The following TERF1 variants were observed in gnomAD, a reference collection of about 807,000 sequenced individuals.
The protein encoded by TERF1 is telomeric repeat-binding factor 1.
TERF1 carries 20 observed loss-of-function variants against 55.1 expected under a neutral mutation model. The ratio of observed to expected loss-of-function variants is 0.36; its 90% CI spans 0.26 to 0.53. The LOEUF is 0.53. Among genes scored for constraint, TERF1 ranks in the 20% least tolerant of loss-of-function variants. The pLI, the probability that TERF1 is intolerant of heterozygous loss-of-function variation, is 0.91. For synonymous variants in TERF1, 168 were observed against 181.2 expected, an observed-to-expected ratio of 0.93 and a Z score of 0.59; for missense variants, 439 against 535.7, an observed-to-expected ratio of 0.82 and a Z score of 1.78.
At chr8:73,027,296 G>C (rs1013230301) in intron 6 of TERF1, among the ~76,000 whole-genome samples, 1 of 152,128 alleles carries the variant, frequency 6.6e-6, no homozygotes, top group East Asian at 1.9e-4. Context: ...ACCATTCTTG[G>C]GGTATGCTTA....
intron 8 of TERF1, among the ~76,000 whole-genome samples, chr8:73,034,563 C>CT (rs1649577175): frequency 6.6e-6 from 1 of 152,086 alleles, no homozygotes; most frequent in African/African-American, 2.4e-5. Context: ...CAGCCCTAAC[C>CT]TTTTTTTCAA....
rs1434775490 is a variant in TERF1 at position 73,038,814 on chromosome 8, T to C, written c.1040-302T>C. 2.4e-6 allele frequency: 2 copies of C among 822,550 alleles called. 1 individual carries two copies. Among genetic ancestry groups the C allele is most frequent in the Non-Finnish European group, 3.0e-6 (2 of 674,416 alleles). The allele number at this position is 822,550 out of a possible 1,614,324, so 51.0% of individuals were successfully genotyped here. ...CATTATCGTAAGAAAATTTCAACGA[T>C]CCTATGCAATAAATATTTTTCCTTT... On this transcript the variant is annotated intron_variant, in intron 8 of 9. Transcript: ENST00000276603.
intron 3 of TERF1, among the ~76,000 whole-genome samples, chr8:73,021,549 C>T (rs1021416583): frequency 6.6e-6 from 1 of 152,074 alleles, no homozygotes; most frequent in African/African-American, 2.4e-5. Flanking sequence ...TTACTATTTG[C>T]CAGGCACTGT....
intron 8 of TERF1, among the ~76,000 whole-genome samples, chr8:73,037,888 TATATAATATATATAAATATGATATA>T (rs1563472430): frequency 2.5e-5 from 3 of 121,166 alleles, no homozygotes; most frequent in African/African-American, 9.6e-5. Context: ...ATAAATATGA[TATATAATATATATAAATATGATATA>T]ATATATAATA....
Position 73,042,171 on chromosome 8 carries a change from T to C in TERF1, c.1143+2952T>C, listed in dbSNP as rs540048903. 2.0e-5 allele frequency among the ~76,000 whole-genome samples: 3 copies of C among 152,182 alleles called. No individual in the cohort carries two copies. The South Asian group carries it at 6.2e-4, about 31-fold the overall frequency. ...TTGGAAACCAGAAGTCTCTGTCTTA[T>C]ACATATAACTGATCTTTCCCTATAG... On this transcript the variant is annotated intron_variant, in intron 9 of 9. Coordinates refer to ENST00000276603, the MANE Select transcript of TERF1 (RefSeq NM_017489.3).
At chr8:73,035,167 G>A (rs956131524) in intron 8 of TERF1, among the ~76,000 whole-genome samples, 1 of 152,064 alleles carries the variant, frequency 6.6e-6, no homozygotes, top group African/African-American at 2.4e-5. Flanking sequence ...TTCAACTTTA[G>A]TTAATCAACT....
chr8:73,026,890 G>T, intron 5 of TERF1, 50 bp from the exon 6 acceptor site: 2 of 1,346,226 alleles, frequency 1.5e-6, no homozygotes, highest in South Asian at 1.2e-5. Flanking sequence ...TGTTTAAAAT[G>T]GCTTAATGCA....
intron 8 of TERF1, 70 bp from the exon 9 acceptor site, chr8:73,039,046 A>G: frequency 9.4e-7 from 1 of 1,065,792 alleles, no homozygotes; most frequent in Non-Finnish European, 1.3e-6. Context: ...CATTATAATC[A>G]TTAAAAATAT....
intron 9 of TERF1, among the ~76,000 whole-genome samples, chr8:73,042,609 A>G (rs371498068): frequency 1.3e-5 from 2 of 152,300 alleles, no homozygotes; most frequent in East Asian, 1.9e-4. Flanking sequence ...AGAAAAGTAA[A>G]TGCCTTTCAA....
At chr8:73,027,116 GAT>G (rs1419868366) in intron 6 of TERF1, 64 bp downstream of exon 6, 20 of 1,140,208 alleles carry the variant, frequency 1.8e-5, no homozygotes, top group Non-Finnish European at 2.4e-5. Flanking sequence ...ATGTAAAATT[GAT>G]ATGTCTTTTT....
At chr8:73,036,834 A>G (rs1231326098) in intron 8 of TERF1, among the ~76,000 whole-genome samples, 2 of 145,012 alleles carry the variant, frequency 1.4e-5, no homozygotes, top group Non-Finnish European at 1.5e-5. Context: ...ATAAATATAT[A>G]TAATATATAT....
At chr8:73,017,609 A>G (rs1485085682) in intron 2 of TERF1, among the ~76,000 whole-genome samples, 2 of 152,208 alleles carry the variant, frequency 1.3e-5, no homozygotes, top group Non-Finnish European at 1.5e-5. Flanking sequence ...CACTTCTGCT[A>G]TTCCTACTTA....
rs1810102589 is a variant in TERF1 at position 73,047,756 on chromosome 8, C to G, written c.*1619C>G. 6.6e-6 allele frequency: 1 copy of G among 152,154 alleles called. No individual in the cohort carries two copies. Among genetic ancestry groups the G allele is most frequent in the African/African-American group, 2.4e-5 (1 of 41,426 alleles). The allele number at this position is 152,154 out of a possible 1,614,324, so 9.4% of individuals were successfully genotyped here. On this transcript the variant is annotated 3_prime_UTR_variant, in exon 10 of 10. Transcript: ENST00000276603. The stretch of plus-strand genomic sequence containing the variant: ...AACATGGATGAGTACCATATACTTC[C>G]TGACTCCTTTATCTTGTTACACCAC...
intron 9 of TERF1, among the ~76,000 whole-genome samples, chr8:73,040,187 C>T (rs1809776913): frequency 6.6e-6 from 1 of 152,026 alleles, no homozygotes; most frequent in Admixed American, 6.6e-5. Context: ...TATTACTTGC[C>T]TTTGTGATTC....
chr8:73,010,882 G>A (rs2981084), intron 1 of TERF1: 82,986 of 152,036 alleles, frequency 0.55, 24,974 homozygotes, highest in Middle Eastern at 0.74. Context: ...TTGTATGTAC[G>A]TCTCCCTCAG....
At position 73,014,122 on chromosome 8, in the gene TERF1, T is replaced by TG; in HGVS notation, c.415+133dup. 4 of 349,948 alleles carry TG rather than the reference T, an allele frequency of 1.1e-5. No homozygotes were observed. In the East Asian group the frequency reaches 1.8e-4, roughly 16 times the overall value. The allele number at this position is 349,948 out of a possible 1,614,324, so 21.7% of individuals were successfully genotyped here. On this transcript the variant is annotated intron_variant, in intron 2 of 9. Coordinates refer to ENST00000276603, the MANE Select transcript of TERF1 (RefSeq NM_017489.3). ...GGTGCATAGGGGTGTGGGGGGGTGG[T>TG]GTGTGTGTGTGTGTACACATACAGT...
chr8:73,031,808 C>CA (rs1186472065), intron 7 of TERF1: 2 of 319,696 alleles, frequency 6.3e-6, no homozygotes, highest in Non-Finnish European at 1.1e-5. Flanking sequence ...TCTGAGACAT[C>CA]AAAAAACATC....
At chr8:73,023,847 CTTCCT>C (rs1308452593) in intron 4 of TERF1, among the ~76,000 whole-genome samples, 2 of 152,322 alleles carry the variant, frequency 1.3e-5, no homozygotes, top group African/African-American at 4.8e-5. Context: ...CCTGCCATAA[CTTCCT>C]TTCAAGACTG....
chr8:73,041,855 T>A (rs1466452713), intron 9 of TERF1, among the ~76,000 whole-genome samples: 1 of 152,150 alleles, frequency 6.6e-6, no homozygotes, highest in African/African-American at 2.4e-5. Context: ...TTGGAGTTTT[T>A]AACTCTGAAG....
Sources: gnomAD v4.1 joint callset for allele counts (sites outside exome capture counted in the v4.1 genomes callset) on GRCh38, gnomAD v4.1.1 for gene constraint, MANE v1.5 for transcripts, NCBI Gene and HGNC (gene_info 2026-07-23, HGNC 2026-07-21) for gene names.